The following SLC35F4 variants were observed in gnomAD, a reference collection of about 807,000 sequenced individuals.
The protein encoded by SLC35F4 is chromosome 14 open reading frame 36.
SLC35F4 carries 24 observed loss-of-function variants against 44.2 expected under a neutral mutation model. The ratio of observed to expected loss-of-function variants is 0.54; its 90% CI spans 0.39 to 0.76. SLC35F4 has a LOEUF of 0.76. Among genes scored for constraint, SLC35F4 ranks in the 30% least tolerant of loss-of-function variants. The pLI is 0.00. For synonymous variants in SLC35F4, 238 were observed against 223.6 expected, an observed-to-expected ratio of 1.06 and a Z score of -0.57; for missense variants, 562 against 586.1, an observed-to-expected ratio of 0.96 and a Z score of 0.42.
intron 1 of SLC35F4, among the ~76,000 whole-genome samples, chr14:57,965,943 C>A (rs1003431142): frequency 1.3e-5 from 2 of 152,116 alleles, no homozygotes; most frequent in Non-Finnish European, 2.9e-5. Context: ...TCTGGGCCAA[C>A]GAAAAGGACA....
chr14:57,826,206 G>T (rs1255375362), intron 1 of SLC35F4, among the ~76,000 whole-genome samples: 1 of 151,972 alleles, frequency 6.6e-6, no homozygotes, highest in African/African-American at 2.4e-5. Context: ...CAGAATTAAG[G>T]CTGCACACCT....
At chr14:57,688,374 C>G (rs1189611631) in intron 1 of SLC35F4, among the ~76,000 whole-genome samples, 2 of 152,126 alleles carry the variant, frequency 1.3e-5, no homozygotes, top group Admixed American at 1.3e-4. Context: ...CTTGGAAAAA[C>G]AACTCAAATT....
intron 1 of SLC35F4, among the ~76,000 whole-genome samples, chr14:57,944,690 G>GA (rs1316412484): frequency 3.4e-5 from 3 of 88,824 alleles, no homozygotes; most frequent in South Asian, 7.2e-4. Context: ...AGAAAAGAAA[G>GA]AAAGAAAAGA....
At chr14:57,939,258 G>C (rs1050122053) in intron 1 of SLC35F4, among the ~76,000 whole-genome samples, 1 of 152,112 alleles carries the variant, frequency 6.6e-6, no homozygotes, top group Non-Finnish European at 1.5e-5. Context: ...AGTAGTGAAG[G>C]GCTCCAAAGC....
chr14:57,623,378 C>T (rs1393145766), intron 1 of SLC35F4, among the ~76,000 whole-genome samples: 2 of 152,108 alleles, frequency 1.3e-5, no homozygotes, highest in African/African-American at 4.8e-5. Context: ...CTTTAACACC[C>T]CACTGTCAAC....
chr14:57,813,597 T>C (rs1330666856), intron 1 of SLC35F4, among the ~76,000 whole-genome samples: 1 of 152,126 alleles, frequency 6.6e-6, no homozygotes, highest in Non-Finnish European at 1.5e-5. Flanking sequence ...AATGCTTCCT[T>C]ATAAAAAGTA....
downstream of SLC35F4, among the ~76,000 whole-genome samples, chr14:57,974,078 G>A (rs193264790): frequency 2.0e-5 from 3 of 152,200 alleles, no homozygotes; most frequent in Admixed American, 6.5e-5. Context: ...GGACTTAGAC[G>A]GGTGATTCTT....
chr14:57,738,267 T>TA (rs2076514498), intron 1 of SLC35F4, among the ~76,000 whole-genome samples: 1 of 152,144 alleles, frequency 6.6e-6, no homozygotes, highest in African/African-American at 2.4e-5. Flanking sequence ...ACAGGGAGTA[T>TA]AAATCCAGAC....
At chr14:57,927,863 T>C (rs1296896797) in intron 1 of SLC35F4, among the ~76,000 whole-genome samples, 1 of 152,150 alleles carries the variant, frequency 6.6e-6, no homozygotes, top group Admixed American at 6.5e-5. Context: ...TGAAGTCCAA[T>C]TTATCAATTT....
intron 1 of SLC35F4, chr14:57,629,876 C>T: frequency 2.5e-6 from 1 of 392,552 alleles, no homozygotes; most frequent in East Asian, 6.5e-5. Flanking sequence ...ACTGCTAGTG[C>T]TCTAGGCTGA....
chr14:57,781,141 T>C (rs1242535481), intron 1 of SLC35F4, among the ~76,000 whole-genome samples: 3 of 152,008 alleles, frequency 2.0e-5, no homozygotes, highest in African/African-American at 7.3e-5. Context: ...ACCTACAGAA[T>C]GGGAGAAATA....
chr14:57,750,247 T>C (rs1369529060), intron 1 of SLC35F4, among the ~76,000 whole-genome samples: 2 of 152,164 alleles, frequency 1.3e-5, no homozygotes, highest in Non-Finnish European at 2.9e-5. Context: ...TGAATAGTAT[T>C]TCATTGTGTA....
intron 1 of SLC35F4, among the ~76,000 whole-genome samples, chr14:57,927,769 G>A (rs1325355459): frequency 6.6e-6 from 1 of 152,036 alleles, no homozygotes; most frequent in East Asian, 1.9e-4. Flanking sequence ...GGGATTACAG[G>A]CATTAGCCAT....
chr14:57,979,829 AGG>A (rs1190413491), intron 1 of SLC35F4, among the ~76,000 whole-genome samples: 2 of 121,064 alleles, frequency 1.7e-5, no homozygotes, highest in Non-Finnish European at 3.9e-5. Context: ...ACACTGACTC[AGG>A]GGAGCTGATT....
At chr14:57,849,311 G>T (rs548585118) in intron 1 of SLC35F4, among the ~76,000 whole-genome samples, 1 of 152,228 alleles carries the variant, frequency 6.6e-6, no homozygotes, top group African/African-American at 2.4e-5. Context: ...ATAGGCATGC[G>T]CCACCATGCC....
At chr14:57,789,825 G>C (rs551515280) in intron 1 of SLC35F4, among the ~76,000 whole-genome samples, 18 of 152,288 alleles carry the variant, frequency 1.2e-4, no homozygotes, top group African/African-American at 3.8e-4. Context: ...TCCCTGGAAT[G>C]CAAGGCTGGT....
intron 1 of SLC35F4, among the ~76,000 whole-genome samples, chr14:57,627,202 A>T (rs1379679493): frequency 6.6e-6 from 1 of 152,172 alleles, no homozygotes; most frequent in African/African-American, 2.4e-5. Context: ...TAAGATGAAC[A>T]TAACATAAAG....
In SLC35F4 at chr14:57,564,066, A is replaced by G; in HGVS notation, c.*69T>C. 1 of 1,562,758 alleles carries G rather than the reference A, an allele frequency of 6.4e-7. No homozygotes were observed. The highest frequency in any genetic ancestry group is 1.2e-5 in the South Asian group (1 of 84,994). Reference sequence around the variant, plus strand: ...AGAGTTAATACTGTCGTTTGAGTGTACAGGTAGTGAGAAAATTTTGTTATA... The same window carrying G: ...AGAGTTAATACTGTCGTTTGAGTGTGCAGGTAGTGAGAAAATTTTGTTATA... On this transcript the variant is annotated 3_prime_UTR_variant, in exon 8 of 8. Coordinates refer to ENST00000556826, the MANE Select transcript of SLC35F4 (RefSeq NM_001306087.2).
At chr14:57,636,863 A>T in intron 1 of SLC35F4, among the ~76,000 whole-genome samples, 1 of 152,088 alleles carries the variant, frequency 6.6e-6, no homozygotes, top group East Asian at 1.9e-4. Flanking sequence ...TTAATGAACC[A>T]CCTAGGCCAA....
Sources: gnomAD v4.1 joint callset for allele counts (sites outside exome capture counted in the v4.1 genomes callset) on GRCh38, gnomAD v4.1.1 for gene constraint, MANE v1.5 for transcripts, NCBI Gene and HGNC (gene_info 2026-07-23, HGNC 2026-07-21) for gene names.